Variants in CNTN4 observed in about 807,000 individuals in gnomAD.
CNTN4 encodes contactin 4.
Under a neutral mutation model 122.5 loss-of-function variants are expected in CNTN4, and 77 were observed. The observed-to-expected ratio is 0.63, with a 90% confidence interval of 0.52 to 0.76. The LOEUF (loss-of-function observed/expected upper bound fraction) is 0.76. Ranked by LOEUF, CNTN4 falls within the 30% of genes least tolerant of loss-of-function variation. The pLI is 0.00. For synonymous variants in CNTN4, 512 were observed against 447.0 expected, an observed-to-expected ratio of 1.15 and a Z score of -1.83; for missense variants, 1,256 against 1,259.1, an observed-to-expected ratio of 1.00 and a Z score of 0.04.
Position 3,042,339 on chromosome 3 carries a change from G to C in CNTN4, c.2428G>C (p.Ala810Pro). The part of the protein sequence containing the change: ...EPTKPPASIF[A>P]RSLSATDIEV... ...CACCAAACCACCAGCCAGTATCTTT[G>C]CCAGAAGTCTTTCTGCCACAGATAT... Residue 810 changes from alanine to proline, a missense_variant, in exon 21 of 25, where the codon GCC becomes CCC. By Grantham distance (27) the Ala-to-Pro change is conservative. Transcript: ENST00000418658. 6.2e-7 allele frequency: 1 copy of C among 1,614,006 alleles called. No individual in the cohort carries two copies. The highest frequency in any genetic ancestry group is 8.5e-7 in the Non-Finnish European group (1 of 1,179,962).
chr3:2,276,207 C>G (rs939244807), intron 2 of CNTN4, among the ~76,000 whole-genome samples: 6 of 151,872 alleles, frequency 4.0e-5, no homozygotes, highest in African/African-American at 1.2e-4. Context: ...GAGTCTCACT[C>G]TGCTGCCCAG....
chr3:2,481,384 ACCCGCCTCGACCT>A (rs961704464), intron 3 of CNTN4, among the ~76,000 whole-genome samples: 111 of 151,542 alleles, frequency 7.3e-4, no homozygotes, highest in Non-Finnish European at 7.5e-4. Context: ...CAAGTGATCC[ACCCGCCTCGACCT>A]CCCAAAGTGC....
intron 6 of CNTN4, among the ~76,000 whole-genome samples, chr3:2,805,407 T>C (rs2092442763): frequency 1.3e-5 from 2 of 152,114 alleles, no homozygotes; most frequent in African/African-American, 4.8e-5. Flanking sequence ...TAGAAAATGA[T>C]CTCAGGAGCA....
At chr3:2,881,496 G>A (rs2093909459) in intron 8 of CNTN4, among the ~76,000 whole-genome samples, 2 of 147,514 alleles carry the variant, frequency 1.4e-5, no homozygotes, top group Non-Finnish European at 3.0e-5. Context: ...CTGGGCGACA[G>A]AGCAAGACTC....
At chr3:2,283,001 G>T (rs1304694456) in intron 2 of CNTN4, among the ~76,000 whole-genome samples, 1 of 152,102 alleles carries the variant, frequency 6.6e-6, no homozygotes, top group Non-Finnish European at 1.5e-5. Flanking sequence ...GTACAGAGGG[G>T]AATGGAGAGT....
intron 2 of CNTN4, among the ~76,000 whole-genome samples, chr3:2,268,618 G>A (rs1385266189): frequency 6.6e-6 from 1 of 152,038 alleles, no homozygotes; most frequent in Non-Finnish European, 1.5e-5. Flanking sequence ...CCTAGTTAAT[G>A]TGATATATCT....
intron 2 of CNTN4, chr3:2,144,288 C>T (rs1008823204): frequency 6.6e-6 from 1 of 152,150 alleles, no homozygotes; most frequent in African/African-American, 2.4e-5. Flanking sequence ...TAGCTTCCAG[C>T]CTTGAAATTA....
intron 2 of CNTN4, among the ~76,000 whole-genome samples, chr3:2,253,503 A>G (rs151066958): frequency 8.5e-4 from 129 of 152,334 alleles, no homozygotes; most frequent in African/African-American, 2.9e-3. Context: ...TTATAAATTC[A>G]ACAGCTAAAA....
intron 2 of CNTN4, among the ~76,000 whole-genome samples, chr3:2,209,007 ATTG>A (rs1316590672): frequency 6.6e-6 from 1 of 152,178 alleles, no homozygotes; most frequent in African/African-American, 2.4e-5. Context: ...TTATTGTGAT[ATTG>A]TTCTGTTGAT....
At chr3:2,927,163 A>C (rs147980206) in intron 13 of CNTN4, 23 of 307,910 alleles carry the variant, frequency 7.5e-5, no homozygotes, top group Admixed American at 5.7e-4. Flanking sequence ...GGTATTAGAC[A>C]TGTCAAAAAT....
intron 2 of CNTN4, among the ~76,000 whole-genome samples, chr3:2,276,773 G>A (rs1394583959): frequency 6.6e-6 from 1 of 152,020 alleles, no homozygotes; most frequent in East Asian, 1.9e-4. Flanking sequence ...AAAATTAGAT[G>A]GGCGTGGTGG....
chr3:2,733,826 G>A (rs1002377298), intron 4 of CNTN4, among the ~76,000 whole-genome samples: 29 of 151,972 alleles, frequency 1.9e-4, no homozygotes, highest in African/African-American at 6.3e-4. Context: ...GAGCCACCGC[G>A]CCTGGCCATG....
intron 2 of CNTN4, among the ~76,000 whole-genome samples, chr3:2,126,273 A>T (rs370364480): frequency 1.3e-5 from 2 of 152,178 alleles, no homozygotes; most frequent in Admixed American, 1.3e-4. Flanking sequence ...CATACTGCAT[A>T]TAGCTCCTTA....
chr3:3,003,463 T>C (rs953586347), intron 14 of CNTN4, among the ~76,000 whole-genome samples: 2 of 151,628 alleles, frequency 1.3e-5, no homozygotes, highest in Admixed American at 1.3e-4. Flanking sequence ...ACCTTGAAAA[T>C]ATGATGCTAA....
Position 2,936,884 on chromosome 3 carries a change from G to A in CNTN4, c.1358+11105G>A, listed in dbSNP as rs181516643. Among the ~76,000 whole-genome samples the A allele has an allele frequency of 1.2e-4, 18 of 152,282 alleles. No individual in the cohort carries two copies. In the East Asian group the frequency reaches 3.1e-3, roughly 26 times the overall value. On this transcript the variant is annotated intron_variant, in intron 13 of 24. Transcript: ENST00000418658. ...AGTGCCCACAAATAAAGTTTTACTG[G>A]ACAGGACACAGCCATACTCATTCAT... is the stretch of plus-strand genomic sequence containing the variant.
In CNTN4 at chr3:2,897,527, A is replaced by G. The variant is rs554907681; in HGVS notation, c.941-3158A>G. Among the ~76,000 whole-genome samples the G allele has an allele frequency of 3.0e-4, 46 of 152,100 alleles. 1 individual carries two copies. The South Asian group carries it at 8.9e-3, about 29-fold the overall frequency. On this transcript the variant is annotated intron_variant, in intron 10 of 24. Transcript: ENST00000418658. Reference sequence around the variant, plus strand: ...CCTTCCTCTGAGTTGATACAGGTTGAGTATCTCTTACCTGAAATGCTTGGG... The same window carrying G: ...CCTTCCTCTGAGTTGATACAGGTTGGGTATCTCTTACCTGAAATGCTTGGG...
intron 13 of CNTN4, among the ~76,000 whole-genome samples, chr3:2,973,661 A>G (rs897959336): frequency 6.6e-6 from 1 of 152,030 alleles, no homozygotes; most frequent in Non-Finnish European, 1.5e-5. Flanking sequence ...AACATATTTA[A>G]TGTGTGCCTG....
At chr3:2,277,744 A>G (rs1313326889) in intron 2 of CNTN4, among the ~76,000 whole-genome samples, 2 of 152,056 alleles carry the variant, frequency 1.3e-5, no homozygotes, top group Non-Finnish European at 2.9e-5. Flanking sequence ...CTTGGAAAAT[A>G]TTGATTTCCC....
intron 2 of CNTN4, among the ~76,000 whole-genome samples, chr3:2,219,600 T>C (rs540636385): frequency 1.5e-4 from 23 of 152,308 alleles, no homozygotes; most frequent in East Asian, 1.2e-3. Flanking sequence ...TTCAACCACG[T>C]TCTCTTGAAA....
Sources: allele counts gnomAD v4.1 joint callset (sites outside exome capture counted in the v4.1 genomes callset), GRCh38; gene constraint gnomAD v4.1.1; transcripts MANE v1.5; gene names NCBI Gene and HGNC (gene_info 2026-07-23, HGNC 2026-07-21).